The following ZNF621 variants were observed in gnomAD, a reference collection of about 807,000 sequenced individuals.
ZNF621 encodes zinc finger protein 621.
Under a neutral mutation model 12.7 loss-of-function variants are expected in ZNF621, and 6 were observed. The ratio of observed to expected loss-of-function variants is 0.47; its 90% CI spans 0.26 to 0.93. The LOEUF (loss-of-function observed/expected upper bound fraction) is 0.93. ZNF621 is among the 40% of genes least tolerant of loss of function. The pLI, the probability that ZNF621 is intolerant of heterozygous loss-of-function variation, is 0.15. For missense variants in ZNF621, 474 were observed against 524.0 expected (o/e 0.90, Z 0.93); for synonymous variants, 156 against 190.3 (o/e 0.82, Z 1.48).
At position 40,533,181 on chromosome 3, in the gene ZNF621, C is replaced by T. The variant is rs1161872099; in HGVS notation, c.*91C>T. 4.1e-6 allele frequency: 6 copies of T among 1,477,196 alleles called. No homozygotes were observed. The highest frequency in any genetic ancestry group is 2.8e-5 in the African/African-American group (2 of 70,726). 91.5% of individuals were successfully genotyped at this position (1,477,196 alleles called of 1,614,324 possible). On this transcript the variant is annotated 3_prime_UTR_variant, in exon 5 of 5. Transcript: ENST00000339296. ...TTTGAGAAAGGGTCTTGCTCTGTCA[C>T]CCAGGCTAGAGTGCGGTGGTGTGAT... is the stretch of plus-strand genomic sequence containing the variant.
chr3:40,523,331 A>G (rs1031258574), upstream of ZNF621, among the ~76,000 whole-genome samples: 9 of 152,218 alleles, frequency 5.9e-5, no homozygotes, highest in Admixed American at 5.9e-4. Flanking sequence ...TAATAAAGCA[A>G]TATATCTAGA....
intron 2 of ZNF621, among the ~76,000 whole-genome samples, chr3:40,526,116 T>C (rs750383342): frequency 2.0e-4 from 31 of 152,214 alleles, no homozygotes; most frequent in Non-Finnish European, 4.1e-4. Context: ...AGAAATTCTT[T>C]CTGAATGTGG....
Position 40,534,469 on chromosome 3 carries a change from A to G in ZNF621, c.*1379A>G, listed in dbSNP as rs990030210. The G allele has an allele frequency of 2.6e-4, 30 of 116,066 alleles. 1 individual carries two copies. Among genetic ancestry groups the G allele is most frequent in the African/African-American group, 4.8e-5 (1 of 20,846 alleles). The allele number at this position is 116,066 out of a possible 1,614,324, so 7.2% of individuals were successfully genotyped here. A position where few individuals can be genotyped will look rare whatever the true frequency, so the allele number is the denominator to read the frequency against. On this transcript the variant is annotated 3_prime_UTR_variant, in exon 5 of 5. Transcript: ENST00000339296. Reference sequence around the variant, plus strand: ...CCTAAGCTTTGATGGAAGGGTCCATACATTTTTTTTTTTTTTTTGCTGATG... The same window carrying G: ...CCTAAGCTTTGATGGAAGGGTCCATGCATTTTTTTTTTTTTTTTGCTGATG...
intron 4 of ZNF621, among the ~76,000 whole-genome samples, chr3:40,531,724 G>A (rs530358984): frequency 2.3e-4 from 35 of 152,052 alleles, no homozygotes; most frequent in African/African-American, 7.2e-4. Context: ...CACCATGCCC[G>A]GCTAATTTTT....
chr3:40,524,195 A>G (rs1698523316), upstream of ZNF621, among the ~76,000 whole-genome samples: 1 of 152,186 alleles, frequency 6.6e-6, no homozygotes, highest in Non-Finnish European at 1.5e-5. Flanking sequence ...TGTCCAGATC[A>G]TTATTTATGG....
At chr3:40,527,581 G>GT (rs1472995862) in intron 2 of ZNF621, among the ~76,000 whole-genome samples, 1 of 152,116 alleles carries the variant, frequency 6.6e-6, no homozygotes, top group East Asian at 1.9e-4. Context: ...TTTATTTGTA[G>GT]TTTTTATTTT....
intron 3 of ZNF621, 158 bp downstream of exon 3, chr3:40,529,603 TTTTGTTTG>T (rs761103856): frequency 6.6e-7 from 1 of 1,520,146 alleles, no homozygotes; most frequent in South Asian, 1.2e-5. Context: ...TCTCTTTGTT[TTTTGTTTG>T]TTTGTTTGTT....
In ZNF621 at chr3:40,525,495, A is replaced by C. The variant is rs970447314; in HGVS notation, c.-63+221A>C. On this transcript the variant is annotated intron_variant, in intron 1 of 4. Coordinates refer to ENST00000339296, the MANE Select transcript of ZNF621 (RefSeq NM_198484.5). ...CTGTAAAGACTCTTTACGTTTGTAGAGACCCAACACAATAGGGACAGGGCT... is the reference window on the plus strand; with the variant it reads ...CTGTAAAGACTCTTTACGTTTGTAGCGACCCAACACAATAGGGACAGGGCT... 15 of 503,632 alleles carry C rather than the reference A, an allele frequency of 3.0e-5. No individual in the cohort carries two copies. The Admixed American group carries it at 5.5e-4, about 18-fold the overall frequency. 31.2% of individuals were successfully genotyped at this position (503,632 alleles called of 1,614,324 possible).
chr3:40,523,337 C>T (rs1395678634), upstream of ZNF621, among the ~76,000 whole-genome samples: 1 of 152,192 alleles, frequency 6.6e-6, no homozygotes, highest in Non-Finnish European at 1.5e-5. Context: ...AGCAATATAT[C>T]TAGATATCCA....
rs533186464 is a variant in ZNF621 at position 40,534,120 on chromosome 3, T to A, written c.*1030T>A. On this transcript the variant is annotated 3_prime_UTR_variant, in exon 5 of 5. Transcript: ENST00000339296. ...TTTTCTTGATGAGCATTCTGTTTTT[T>A]TTTCTTTGTGAGCACTGGCTTCTAT... 5.2e-5 allele frequency: 8 copies of A among 152,664 alleles called. No homozygotes were observed. Among genetic ancestry groups the A allele is most frequent in the Non-Finnish European group, 1.2e-4 (8 of 68,018 alleles). 9.5% of individuals were successfully genotyped at this position (152,664 alleles called of 1,614,324 possible).
At chr3:40,531,391 C>A (rs1348396604) in intron 4 of ZNF621, among the ~76,000 whole-genome samples, 1 of 151,904 alleles carries the variant, frequency 6.6e-6, no homozygotes, top group Non-Finnish European at 1.5e-5. Flanking sequence ...CTTTCTTATT[C>A]TCTCCTTCTT....
chr3:40,529,615 G>C, intron 3 of ZNF621, 170 bp downstream of exon 3: 1 of 1,472,900 alleles, frequency 6.8e-7, no homozygotes, highest in Non-Finnish European at 9.1e-7. Context: ...TTGTTTGTTT[G>C]TTTGTTTTGT....
At chr3:40,527,603 T>C (rs1427527174) in intron 2 of ZNF621, among the ~76,000 whole-genome samples, 2 of 152,184 alleles carry the variant, frequency 1.3e-5, no homozygotes, top group Non-Finnish European at 2.9e-5. Flanking sequence ...TGGAGCAGTT[T>C]TAGGTTCACA....
intron 2 of ZNF621, among the ~76,000 whole-genome samples, chr3:40,528,805 G>A (rs1180990952): frequency 6.6e-6 from 1 of 152,102 alleles, no homozygotes; most frequent in African/African-American, 2.4e-5. Flanking sequence ...GCTTTGTTGA[G>A]GTGTCTGTTG....
chr3:40,529,578 A>C, intron 3 of ZNF621, 133 bp downstream of exon 3: 1 of 1,574,520 alleles, frequency 6.4e-7, no homozygotes, highest in Non-Finnish European at 8.7e-7. Context: ...AATACTGGGT[A>C]GGGAAATCCT....
upstream of ZNF621, chr3:40,524,885 G>C (rs1322081395): frequency 1.3e-5 from 2 of 152,328 alleles, no homozygotes; most frequent in African/African-American, 2.4e-5. Flanking sequence ...CATGAAAGGC[G>C]GGGCGGGTCT....
At chr3:40,526,787 C>G (rs570349179) in intron 2 of ZNF621, among the ~76,000 whole-genome samples, 1 of 152,154 alleles carries the variant, frequency 6.6e-6, no homozygotes, top group Non-Finnish European at 1.5e-5. Flanking sequence ...AAAGATTTTC[C>G]TAGCCCTTAG....
At chr3:40,529,556 G>A (rs1367180640) in intron 3 of ZNF621, 111 bp downstream of exon 3, 3 of 1,587,514 alleles carry the variant, frequency 1.9e-6, no homozygotes, top group Admixed American at 1.7e-5. Context: ...TTTGCAATCA[G>A]CAGCCTCCAG....
intron 4 of ZNF621, 97 bp downstream of exon 4, chr3:40,530,413 T>G: frequency 1.0e-6 from 1 of 1,001,436 alleles, no homozygotes; most frequent in South Asian, 1.5e-5. Flanking sequence ...AATCTCCCAG[T>G]TATTTATAAG....
Sources: gnomAD v4.1 joint callset for allele counts (sites outside exome capture counted in the v4.1 genomes callset) on GRCh38, gnomAD v4.1.1 for gene constraint, MANE v1.5 for transcripts, NCBI Gene and HGNC (gene_info 2026-07-23, HGNC 2026-07-21) for gene names.